The following KSR2 variants were observed in gnomAD, a reference collection of about 807,000 sequenced individuals.
The protein encoded by KSR2 is kinase suppressor of ras 2.
Under a neutral mutation model 107.8 loss-of-function variants are expected in KSR2, and 25 were observed. The observed-to-expected ratio is 0.23, with a 90% confidence interval of 0.17 to 0.32. The LOEUF is 0.32. Ranked by LOEUF, KSR2 falls within the 10% of genes least tolerant of loss-of-function variation. The pLI, the probability that KSR2 is intolerant of heterozygous loss-of-function variation, is 1.00. For synonymous variants in KSR2, 480 were observed against 507.0 expected, an observed-to-expected ratio of 0.95 and a Z score of 0.71; for missense variants, 887 against 1,268.9, an observed-to-expected ratio of 0.70 and a Z score of 4.57.
At chr12:117,763,619 G>A (rs900025759) in intron 3 of KSR2, among the ~76,000 whole-genome samples, 8 of 152,194 alleles carry the variant, frequency 5.3e-5, no homozygotes, top group Non-Finnish European at 1.0e-4. Context: ...GACACTCAAG[G>A]AGAGGCTGAA....
chr12:117,576,586 C>A (rs1030632608), intron 7 of KSR2, among the ~76,000 whole-genome samples: 2 of 152,174 alleles, frequency 1.3e-5, no homozygotes, highest in Non-Finnish European at 2.9e-5. Flanking sequence ...CAACCTCAAG[C>A]TCCTGGGCTC....
chr12:117,780,535 A>C (rs1004230518), intron 3 of KSR2, among the ~76,000 whole-genome samples: 34 of 152,178 alleles, frequency 2.2e-4, no homozygotes, highest in Non-Finnish European at 1.2e-4. Context: ...AGAAGGAAGA[A>C]TAGGGGTTAC....
chr12:117,675,844 G>A (rs1885096501), intron 4 of KSR2, among the ~76,000 whole-genome samples: 3 of 152,228 alleles, frequency 2.0e-5, no homozygotes, highest in African/African-American at 2.4e-5. Flanking sequence ...CTCCTCACAA[G>A]CCTGCTTTGA....
intron 5 of KSR2, among the ~76,000 whole-genome samples, chr12:117,636,527 C>T (rs7959465): frequency 0.11 from 16,325 of 152,008 alleles, 995 homozygotes; most frequent in African/African-American, 0.15. Flanking sequence ...AGGTACACAC[C>T]TGATCAATGA....
chr12:117,476,454 G>A lies in KSR2; in HGVS notation c.2582+10C>T. The A allele has an allele frequency of 1.3e-6, 2 of 1,589,336 alleles. No homozygotes were observed. Among genetic ancestry groups the A allele is most frequent in the Non-Finnish European group, 1.7e-6 (2 of 1,167,420 alleles). ...TGTGGCTCTCAATGGCCAGGGCAGG[G>A]CCCACTTACCCAAGGGCAAAGACGT... On this transcript the variant is annotated intron_variant, in intron 17 of 19. Transcript: ENST00000339824.
At chr12:117,718,373 T>C (rs1887078621) in intron 4 of KSR2, among the ~76,000 whole-genome samples, 1 of 152,210 alleles carries the variant, frequency 6.6e-6, no homozygotes, top group South Asian at 2.1e-4. Flanking sequence ...TCAGCAACAC[T>C]AAATTTTAGA....
At chr12:117,636,466 CA>C (rs1883080911) in intron 5 of KSR2, among the ~76,000 whole-genome samples, 2 of 151,396 alleles carry the variant, frequency 1.3e-5, no homozygotes, top group South Asian at 4.2e-4. Context: ...AATAACAAAC[CA>C]GTCACACCCA....
At chr12:117,559,336 A>G (rs1163855409) in intron 7 of KSR2, among the ~76,000 whole-genome samples, 1 of 152,234 alleles carries the variant, frequency 6.6e-6, no homozygotes, top group East Asian at 1.9e-4. Flanking sequence ...CGTTTTAAAA[A>G]ATATCAAATA....
Position 117,460,898 on chromosome 12 carries a change from T to C in KSR2, c.*6301A>G, listed in dbSNP as rs1351689962. ...TAGTAAGTGCTCTGTGAATGAGGGC[T>C]GTTCAGGGTGGATTGTTACTCTGCC... On this transcript the variant is annotated 3_prime_UTR_variant, in exon 20 of 20. Transcript: ENST00000339824. The C allele has an allele frequency of 2.6e-5, 4 of 152,204 alleles. No homozygotes were observed. Among genetic ancestry groups the C allele is most frequent in the Non-Finnish European group, 4.4e-5 (3 of 68,052 alleles). The allele number at this position is 152,204 out of a possible 1,614,324, so 9.4% of individuals were successfully genotyped here. A position where few individuals can be genotyped will look rare whatever the true frequency, so the allele number is the denominator to read the frequency against.
At chr12:117,801,886 G>T (rs554908535) in intron 3 of KSR2, among the ~76,000 whole-genome samples, 2 of 152,018 alleles carry the variant, frequency 1.3e-5, no homozygotes, top group Non-Finnish European at 2.9e-5. Flanking sequence ...AGAGGCCCTG[G>T]GGCTGAAGAA....
At chr12:117,731,316 C>T (rs1439359444) in intron 4 of KSR2, among the ~76,000 whole-genome samples, 17 of 149,188 alleles carry the variant, frequency 1.1e-4, no homozygotes, top group African/African-American at 3.5e-4. Flanking sequence ...GCCCAGCAGC[C>T]GCCCCGTCTG....
At chr12:117,602,225 A>G (rs143166074) in intron 5 of KSR2, among the ~76,000 whole-genome samples, 4 of 152,340 alleles carry the variant, frequency 2.6e-5, no homozygotes, top group African/African-American at 9.6e-5. Context: ...TTTGCTTTCA[A>G]TTGAAGCAAA....
At chr12:117,672,383 G>C (rs1210357490) in intron 4 of KSR2, among the ~76,000 whole-genome samples, 1 of 152,198 alleles carries the variant, frequency 6.6e-6, no homozygotes, top group African/African-American at 2.4e-5. Context: ...TTGAGAAAGT[G>C]ATCTCGGTTT....
At chr12:117,672,874 T>C (rs12309599) in intron 4 of KSR2, among the ~76,000 whole-genome samples, 39,067 of 152,170 alleles carry the variant, frequency 0.26, 5,208 homozygotes, top group Admixed American at 0.35. Context: ...CTGCCCATCT[T>C]GGCCTCGGCC....
chr12:117,962,147 TA>T (rs36119176), intron 1 of KSR2, among the ~76,000 whole-genome samples: 53,521 of 112,472 alleles, frequency 0.48, 11,937 homozygotes, highest in Admixed American at 0.54. Context: ...CCTGTCTCTT[TA>T]AAAAAAAAAA....
chr12:117,931,940 C>T (rs557631102), intron 1 of KSR2, among the ~76,000 whole-genome samples: 1 of 152,262 alleles, frequency 6.6e-6, no homozygotes, highest in South Asian at 2.1e-4. Context: ...ACATGGAGGA[C>T]ATTATGCCCA....
At chr12:117,817,259 C>T (rs1891405202) in intron 3 of KSR2, among the ~76,000 whole-genome samples, 1 of 152,144 alleles carries the variant, frequency 6.6e-6, no homozygotes, top group Non-Finnish European at 1.5e-5. Context: ...CCCTTAAGAC[C>T]TACTGTCTAT....
At chr12:117,607,484 C>T (rs903527852) in intron 5 of KSR2, among the ~76,000 whole-genome samples, 4 of 152,172 alleles carry the variant, frequency 2.6e-5, no homozygotes, top group Admixed American at 6.5e-5. Flanking sequence ...TGCCCTCCAT[C>T]CCATCAGCCA....
chr12:117,560,100 C>G (rs185711899), intron 7 of KSR2, among the ~76,000 whole-genome samples: 1 of 152,224 alleles, frequency 6.6e-6, no homozygotes, highest in South Asian at 2.1e-4. Flanking sequence ...TCCAATTAGT[C>G]TAGTTCAGTG....
Sources: gnomAD v4.1 joint callset for allele counts (sites outside exome capture counted in the v4.1 genomes callset) on GRCh38, gnomAD v4.1.1 for gene constraint, MANE v1.5 for transcripts, NCBI Gene and HGNC (gene_info 2026-07-23, HGNC 2026-07-21) for gene names.